The following SLC44A5 variants were observed in gnomAD, a reference collection of about 807,000 sequenced individuals.
The protein encoded by SLC44A5 is choline transporter-like protein 5.
In SLC44A5, 57 loss-of-function variants were observed where a neutral mutation model predicts 101.8. That is an observed-to-expected ratio of 0.56 (90% CI 0.45 to 0.70). SLC44A5 has a LOEUF of 0.70. Among genes scored for constraint, SLC44A5 ranks in the 30% least tolerant of loss-of-function variants. The probability of loss-of-function intolerance (pLI) is 0.00; values close to 1 mark genes in which losing one functional copy is unlikely to be tolerated. For synonymous variants in SLC44A5, 281 were observed against 290.9 expected, an observed-to-expected ratio of 0.97 and a Z score of 0.35; for missense variants, 737 against 853.1, an observed-to-expected ratio of 0.86 and a Z score of 1.70.
chr1:75,526,651 A>C (rs1341602772), intron 2 of SLC44A5, among the ~76,000 whole-genome samples: 3 of 152,372 alleles, frequency 2.0e-5, no homozygotes, highest in Non-Finnish European at 2.9e-5. Flanking sequence ...AGAGGCTAAC[A>C]GGAAACCCCT....
rs115012904 is a variant in SLC44A5 at position 75,498,872 on chromosome 1, A to G, written c.13+42563T>C. 5.4e-3 allele frequency among the ~76,000 whole-genome samples: 821 copies of G among 152,336 alleles called. 2 individuals are homozygous for G. The highest frequency in any genetic ancestry group is 0.019 in the African/African-American group (790 of 41,582). On this transcript the variant is annotated intron_variant, in intron 2 of 23. Coordinates refer to ENST00000370859, the MANE Select transcript of SLC44A5 (RefSeq NM_001130058.2). ...AGTCAAGTTTTTGCTATCAGCAAAT[A>G]TACTCAAAACAGGTTTACCTAGTGT...
At chr1:75,479,571 C>T (rs1311793527) in intron 2 of SLC44A5, among the ~76,000 whole-genome samples, 1 of 152,184 alleles carries the variant, frequency 6.6e-6, no homozygotes, top group Non-Finnish European at 1.5e-5. Flanking sequence ...AAGGGGATAT[C>T]ACCACTGATC....
chr1:75,271,497 T>TTTTTTTTTTTTTTTTTTTTTG (rs1553152601), intron 6 of SLC44A5, among the ~76,000 whole-genome samples: 1 of 146,304 alleles, frequency 6.8e-6, no homozygotes, highest in African/African-American at 2.5e-5. Flanking sequence ...TCTGCATGTT[T>TTTTTTTTTTTTTTTTTTTTTG]TGTGTGTGTG....
At chr1:75,627,157 T>A in the SLC44A5 span, among the ~76,000 whole-genome samples, 1 of 152,206 alleles carries the variant, frequency 6.6e-6, no homozygotes, top group Non-Finnish European at 1.5e-5. Flanking sequence ...ATGTCGGTTA[T>A]ACCTTTATCA....
At chr1:75,647,942 G>A in the SLC44A5 span, among the ~76,000 whole-genome samples, 1 of 152,124 alleles carries the variant, frequency 6.6e-6, no homozygotes, top group African/African-American at 2.4e-5. Context: ...TTAAGTCTTT[G>A]GGTAACTTTT....
intron 3 of SLC44A5, among the ~76,000 whole-genome samples, chr1:75,388,777 T>TA (rs748464401): frequency 0.02 from 2,640 of 134,066 alleles, 58 homozygotes; most frequent in African/African-American, 0.051. Flanking sequence ...AGACTCCGTC[T>TA]AAAAAAAAAA....
At chr1:75,339,662 T>C (rs752934888) in intron 3 of SLC44A5, 32 bp from the exon 4 acceptor site, 2 of 1,568,936 alleles carry the variant, frequency 1.3e-6, no homozygotes, top group Admixed American at 3.6e-5. Flanking sequence ...TTTAAGCATA[T>C]AAGCCAGCAA....
intron 3 of SLC44A5, among the ~76,000 whole-genome samples, chr1:75,391,988 C>T (rs1219779984): frequency 6.6e-6 from 1 of 152,068 alleles, no homozygotes; most frequent in Non-Finnish European, 1.5e-5. Context: ...ACCCCCATCT[C>T]TACAAAAAGC....
At chr1:75,340,052 GTAGAT>G (rs1231678555) in intron 3 of SLC44A5, among the ~76,000 whole-genome samples, 1 of 152,148 alleles carries the variant, frequency 6.6e-6, no homozygotes, top group Non-Finnish European at 1.5e-5. Flanking sequence ...ATTCCTCTCA[GTAGAT>G]TAGAGTTTCC....
At chr1:75,502,915 C>T (rs890522519) in intron 2 of SLC44A5, among the ~76,000 whole-genome samples, 1 of 152,080 alleles carries the variant, frequency 6.6e-6, no homozygotes, top group Non-Finnish European at 1.5e-5. Context: ...GCAATTTGCT[C>T]TGCCATGCCT....
At chr1:75,567,751 G>A (rs1474799651) in intron 1 of SLC44A5, among the ~76,000 whole-genome samples, 4 of 152,100 alleles carry the variant, frequency 2.6e-5, no homozygotes, top group South Asian at 2.1e-4. Context: ...TTCTAAATAC[G>A]ATTTAATAAG....
chr1:75,706,928 G>A, the SLC44A5 span, among the ~76,000 whole-genome samples: 118 of 152,160 alleles, frequency 7.8e-4, 1 homozygote, highest in African/African-American at 2.7e-3. Flanking sequence ...CAGCTTTACT[G>A]AAGGATGACT....
At chr1:75,679,432 G>C in the SLC44A5 span, among the ~76,000 whole-genome samples, 1 of 152,272 alleles carries the variant, frequency 6.6e-6, no homozygotes, top group East Asian at 1.9e-4. Context: ...ACCCCTACAA[G>C]CCAGAAGAGA....
At chr1:75,409,337 T>C (rs901959393) in intron 2 of SLC44A5, among the ~76,000 whole-genome samples, 3 of 152,138 alleles carry the variant, frequency 2.0e-5, no homozygotes, top group African/African-American at 7.2e-5. Context: ...TATTGGGTAA[T>C]GAGTTCAATA....
At chr1:75,537,495 A>G (rs1671119568) in intron 2 of SLC44A5, among the ~76,000 whole-genome samples, 2 of 152,120 alleles carry the variant, frequency 1.3e-5, no homozygotes, top group African/African-American at 4.8e-5. Flanking sequence ...AGAAGCAAGT[A>G]TGTACAATTC....
chr1:75,436,918 C>T (rs1277423599), intron 2 of SLC44A5, among the ~76,000 whole-genome samples: 1 of 151,924 alleles, frequency 6.6e-6, no homozygotes, highest in Non-Finnish European at 1.5e-5. Context: ...CACATATTAG[C>T]CTAGGCCAAC....
chr1:75,515,890 T>C (rs942037922), intron 2 of SLC44A5, among the ~76,000 whole-genome samples: 1 of 152,190 alleles, frequency 6.6e-6, no homozygotes, highest in East Asian at 1.9e-4. Context: ...GGTTTTTTTT[T>C]TTCCCCATCC....
At chr1:75,418,153 G>T (rs545157271) in intron 2 of SLC44A5, among the ~76,000 whole-genome samples, 72 of 152,274 alleles carry the variant, frequency 4.7e-4, no homozygotes, top group African/African-American at 1.7e-3. Context: ...TGCGTTCTGT[G>T]CCCTGCACTG....
intron 5 of SLC44A5, among the ~76,000 whole-genome samples, chr1:75,298,230 T>C (rs1654123772): frequency 6.6e-6 from 1 of 152,102 alleles, no homozygotes; most frequent in Non-Finnish European, 1.5e-5. Context: ...TTAGATATAA[T>C]CAAAGAATTA....
Sources: gnomAD v4.1 joint callset for allele counts (sites outside exome capture counted in the v4.1 genomes callset) on GRCh38, gnomAD v4.1.1 for gene constraint, MANE v1.5 for transcripts, NCBI Gene and HGNC (gene_info 2026-07-23, HGNC 2026-07-21) for gene names.